Variants in LMBRD1 observed in about 807,000 individuals in gnomAD.
LMBRD1 encodes LMBR1 domain containing 1.
Under a neutral mutation model 74.8 loss-of-function variants are expected in LMBRD1, and 64 were observed. The observed-to-expected ratio is 0.86, with a 90% CI of 0.70 to 1.05. LMBRD1 has a LOEUF of 1.05. Ranked by LOEUF, LMBRD1 falls within the 50% of genes least tolerant of loss-of-function variation. LMBRD1 has a pLI of 0.00. For missense variants in LMBRD1, 652 were observed against 645.9 expected, an observed-to-expected ratio of 1.01 and a Z score of -0.10; for synonymous variants, 204 against 216.3, an observed-to-expected ratio of 0.94 and a Z score of 0.50.
At chr6:69,714,388 A>G (rs1766448058) in intron 8 of LMBRD1, among the ~76,000 whole-genome samples, 1 of 151,982 alleles carries the variant, frequency 6.6e-6, no homozygotes, top group Non-Finnish European at 1.5e-5. Flanking sequence ...CTGACAGATA[A>G]TTTCCATCTA....
intron 3 of LMBRD1, among the ~76,000 whole-genome samples, chr6:69,758,696 T>A (rs925464441): frequency 6.6e-6 from 1 of 152,186 alleles, no homozygotes; most frequent in African/African-American, 2.4e-5. Context: ...CAGGAACTTC[T>A]GAACTGCTAA....
At chr6:69,754,017 C>T (rs887643311) in intron 3 of LMBRD1, among the ~76,000 whole-genome samples, 7 of 151,492 alleles carry the variant, frequency 4.6e-5, no homozygotes, top group African/African-American at 1.5e-4. Context: ...CAGGACATTA[C>T]GCTAAGTGAA....
intron 3 of LMBRD1, among the ~76,000 whole-genome samples, chr6:69,772,005 AG>A (rs1460863874): frequency 6.6e-6 from 1 of 152,218 alleles, no homozygotes; most frequent in African/African-American, 2.4e-5. Flanking sequence ...TAAGGTTTTC[AG>A]CCTGAGAAAC....
At chr6:69,770,429 G>T (rs1356273778) in intron 3 of LMBRD1, among the ~76,000 whole-genome samples, 1 of 152,166 alleles carries the variant, frequency 6.6e-6, no homozygotes, top group Non-Finnish European at 1.5e-5. Flanking sequence ...GATTGCTAAA[G>T]AACTGAAGCT....
At chr6:69,774,732 T>C (rs1765652486) in intron 3 of LMBRD1, among the ~76,000 whole-genome samples, 1 of 152,052 alleles carries the variant, frequency 6.6e-6, no homozygotes, top group Non-Finnish European at 1.5e-5. Context: ...TAAGCCTGCA[T>C]AGCAGGTCTA....
At chr6:69,790,737 G>T in intron 1 of LMBRD1, 1 of 447,626 alleles carries the variant, frequency 2.2e-6, no homozygotes, top group Non-Finnish European at 4.1e-6. Flanking sequence ...TAAACACAGT[G>T]CAAACGTTAA....
At chr6:69,789,718 A>G (rs1766037619) in intron 2 of LMBRD1, among the ~76,000 whole-genome samples, 1 of 152,220 alleles carries the variant, frequency 6.6e-6, no homozygotes, top group African/African-American at 2.4e-5. Flanking sequence ...CCTGAGTCAC[A>G]GAAGCTTAAG....
At position 69,741,770 on chromosome 6, in the gene LMBRD1, T is replaced by A. The variant is rs200488577; in HGVS notation, c.562+19A>T. 24 of 1,403,208 alleles carry A rather than the reference T, an allele frequency of 1.7e-5. No individual in the cohort carries two copies. The highest frequency in any genetic ancestry group is 1.8e-4 in the Middle Eastern group (1 of 5,588). 86.9% of individuals were successfully genotyped at this position (1,403,208 alleles called of 1,614,324 possible). ...AGGAAATATAAACTACTATGTTTTTTAAAAAAAACAATACTTACGACTACT... is the reference window on the plus strand; with the variant it reads ...AGGAAATATAAACTACTATGTTTTTAAAAAAAAACAATACTTACGACTACT... On this transcript the variant is annotated intron_variant, in intron 6 of 15. Coordinates refer to ENST00000649934, the MANE Select transcript of LMBRD1 (RefSeq NM_018368.4).
chr6:69,779,537 C>T (rs527666794), intron 3 of LMBRD1, among the ~76,000 whole-genome samples: 2 of 152,172 alleles, frequency 1.3e-5, no homozygotes, highest in African/African-American at 4.8e-5. Flanking sequence ...GTTGATAGTA[C>T]AAATTCCCCA....
In LMBRD1 at chr6:69,790,426, C is replaced by T. The variant is rs886061692; in HGVS notation, c.116G>A (p.Arg39Gln). 8.7e-6 allele frequency: 14 copies of T among 1,613,832 alleles called. No homozygotes were observed. Among genetic ancestry groups the T allele is most frequent in the East Asian group, 2.2e-5 (1 of 44,864 alleles). The change falls in exon 2 of 16, where the codon CGG becomes CAG. Residue 39 changes from arginine to glutamine, a missense_variant. Physicochemically the swap from Arg to Gln is conservative, Grantham distance 43. This residue lies in a region of LMBRD1 where 598 missense variants were observed against 581.8 expected (regional missense o/e 1.03). Coordinates refer to ENST00000649934, the MANE Select transcript of LMBRD1 (RefSeq NM_018368.4). ...CWIYVRKYQS[R>Q]RESEVVSTIT... is the part of the protein sequence containing the mutation. ...GGTGGAGACAACTTCACTTTCCCGC[C>T]GACTTTGGTATTTACGAACATATAT...
intron 6 of LMBRD1, among the ~76,000 whole-genome samples, chr6:69,739,403 CT>C (rs35483855): frequency 0.084 from 12,738 of 152,034 alleles, 666 homozygotes; most frequent in Admixed American, 0.15. Context: ...TATGATCTGG[CT>C]GCATATATCT....
chr6:69,704,826 T>C (rs1443530140), intron 9 of LMBRD1, among the ~76,000 whole-genome samples: 1 of 151,970 alleles, frequency 6.6e-6, no homozygotes, highest in East Asian at 1.9e-4. Context: ...TCTCCCTACC[T>C]CACTGCTTTC....
chr6:69,736,193 C>T (rs1223774075), intron 7 of LMBRD1, among the ~76,000 whole-genome samples: 1 of 152,022 alleles, frequency 6.6e-6, no homozygotes, highest in Non-Finnish European at 1.5e-5. Flanking sequence ...GCTAATTGAC[C>T]CCCCCTCCGC....
chr6:69,717,760 C>T (rs186378546), intron 8 of LMBRD1, among the ~76,000 whole-genome samples: 5 of 152,188 alleles, frequency 3.3e-5, no homozygotes, highest in Admixed American at 6.5e-5. Flanking sequence ...TGCAGCGGCA[C>T]GATCATGGAT....
chr6:69,719,083 TAAAAGA>T lies in LMBRD1; in HGVS notation c.637-8_637-3del, dbSNP rs751053299. 3 of 1,611,686 alleles carry T rather than the reference TAAAAGA, an allele frequency of 1.9e-6. No homozygotes were observed. The highest frequency in any genetic ancestry group is 1.1e-5 in the South Asian group (1 of 91,024). ...AGGTAACGCAGACATGCCATAGGCC[TAAAAGA>T]AAAACAATTGAAATGTTTTAGAAAT... On this transcript the variant is annotated splice_region_variant and splice_polypyrimidine_tract_variant and intron_variant, in intron 7 of 15. Coordinates refer to ENST00000649934, the MANE Select transcript of LMBRD1 (RefSeq NM_018368.4).
At chr6:69,796,083 A>G (rs999479514) in intron 1 of LMBRD1, among the ~76,000 whole-genome samples, 4 of 152,082 alleles carry the variant, frequency 2.6e-5, no homozygotes, top group Non-Finnish European at 5.9e-5. Flanking sequence ...TAGCCAGGCC[A>G]CTCTGAGACA....
chr6:69,685,066 T>C (rs532343092), intron 14 of LMBRD1, among the ~76,000 whole-genome samples: 12 of 152,198 alleles, frequency 7.9e-5, no homozygotes, highest in African/African-American at 2.9e-4. Context: ...AGACTATACA[T>C]TGAGAGAGAA....
At chr6:69,687,048 G>A (rs1765778395) in intron 14 of LMBRD1, among the ~76,000 whole-genome samples, 1 of 152,124 alleles carries the variant, frequency 6.6e-6, no homozygotes, top group Non-Finnish European at 1.5e-5. Flanking sequence ...GAGAACATAA[G>A]TCACATCATG....
chr6:69,770,079 C>T (rs1453275736), intron 3 of LMBRD1, among the ~76,000 whole-genome samples: 2 of 152,152 alleles, frequency 1.3e-5, no homozygotes, highest in Admixed American at 6.6e-5. Flanking sequence ...CACATGTATG[C>T]AGCTTCAGCC....
Sources: gnomAD v4.1 joint callset for allele counts (sites outside exome capture counted in the v4.1 genomes callset) on GRCh38, gnomAD v4.1.1 for gene constraint, gnomAD v4.1.1 regional missense constraint, MANE v1.5 for transcripts, NCBI Gene and HGNC (gene_info 2026-07-23, HGNC 2026-07-21) for gene names.